The following SEMA3D variants were observed in gnomAD, a reference collection of about 807,000 sequenced individuals.
SEMA3D encodes semaphorin-3D.
A neutral mutation model predicts 100.1 loss-of-function variants in SEMA3D; 84 were observed. The observed-to-expected ratio is 0.84, with a 90% CI of 0.70 to 1.01. The LOEUF (loss-of-function observed/expected upper bound fraction) is 1.01. Ranked by LOEUF, SEMA3D falls within the 50% of genes least tolerant of loss-of-function variation. SEMA3D has a pLI of 0.00. For synonymous variants in SEMA3D, 312 were observed against 320.7 expected (o/e 0.97, Z 0.29); for missense variants, 875 against 934.1 (o/e 0.94, Z 0.82).
chr7:85,040,772 C>A, intron 10 of SEMA3D, 30 bp from the exon 11 acceptor site: 1 of 1,031,578 alleles, frequency 9.7e-7, no homozygotes, highest in South Asian at 1.3e-5. Flanking sequence ...AATATTTACT[C>A]TTATTTTTCA....
intron 17 of SEMA3D, among the ~76,000 whole-genome samples, chr7:85,010,626 G>A (rs986026155): frequency 6.6e-6 from 1 of 151,822 alleles, no homozygotes; most frequent in African/African-American, 2.4e-5. Context: ...GCTGCTTTTT[G>A]ACATAAGTAG....
At chr7:85,183,949 C>T (rs760716471) in intron 1 of SEMA3D, among the ~76,000 whole-genome samples, 1 of 152,010 alleles carries the variant, frequency 6.6e-6, no homozygotes, top group Non-Finnish European at 1.5e-5. Flanking sequence ...GTTCTTAATA[C>T]AACCATGGGA....
upstream of SEMA3D, among the ~76,000 whole-genome samples, chr7:85,189,974 C>T (rs757398111): frequency 5.3e-5 from 8 of 152,086 alleles, no homozygotes; most frequent in African/African-American, 1.9e-4. Flanking sequence ...GAGAAGGCAG[C>T]AGGGATGGGT....
Position 85,066,560 on chromosome 7 carries a change from T to C in SEMA3D, c.590-1008A>G, listed in dbSNP as rs528450453. Reference sequence around the variant, plus strand: ...AAGGCTGTTCCTGCAGGAGAATATGTTGTCTCTTTGAGAGCTAAACCTCTA... The same window carrying C: ...AAGGCTGTTCCTGCAGGAGAATATGCTGTCTCTTTGAGAGCTAAACCTCTA... On this transcript the variant is annotated intron_variant, in intron 7 of 18. Coordinates refer to ENST00000284136, the MANE Select transcript of SEMA3D (RefSeq NM_001384900.1). Among the ~76,000 whole-genome samples the C allele has an allele frequency of 2.5e-4, 38 of 152,128 alleles. No homozygotes were observed. The East Asian group carries it at 7.2e-3, about 29-fold the overall frequency.
intron 11 of SEMA3D, among the ~76,000 whole-genome samples, chr7:85,037,668 TTATG>T: frequency 6.6e-6 from 1 of 152,148 alleles, no homozygotes; most frequent in Non-Finnish European, 1.5e-5. Flanking sequence ...ATTTATGAGT[TTATG>T]TATTACAGTA....
At chr7:85,125,496 C>G (rs1052177680) in intron 2 of SEMA3D, among the ~76,000 whole-genome samples, 3 of 152,048 alleles carry the variant, frequency 2.0e-5, no homozygotes, top group Non-Finnish European at 4.4e-5. Context: ...AAAATCAAAG[C>G]CCTGCTTTCC....
At chr7:85,074,402 G>C (rs955483828) in intron 5 of SEMA3D, among the ~76,000 whole-genome samples, 3 of 152,122 alleles carry the variant, frequency 2.0e-5, no homozygotes, top group Non-Finnish European at 4.4e-5. Flanking sequence ...GTGGTTCTTA[G>C]AATGAAATAA....
chr7:85,173,348 A>T (rs928979173), intron 1 of SEMA3D, among the ~76,000 whole-genome samples: 2 of 151,852 alleles, frequency 1.3e-5, no homozygotes, highest in Non-Finnish European at 2.9e-5. Flanking sequence ...TAACTGGCTG[A>T]CTCTTCTGTG....
At chr7:85,004,727 T>C (rs1360513289) in intron 18 of SEMA3D, among the ~76,000 whole-genome samples, 1 of 152,074 alleles carries the variant, frequency 6.6e-6, no homozygotes, top group East Asian at 1.9e-4. Flanking sequence ...GGCATCCTGC[T>C]GGGAAAAATG....
intron 18 of SEMA3D, among the ~76,000 whole-genome samples, chr7:85,003,808 AT>A (rs1164481377): frequency 6.6e-6 from 1 of 152,090 alleles, no homozygotes; most frequent in African/African-American, 2.4e-5. Flanking sequence ...AATGCAATAC[AT>A]TTTTTCATAT....
At chr7:85,060,738 T>C (rs1258812777) in intron 8 of SEMA3D, among the ~76,000 whole-genome samples, 1 of 152,202 alleles carries the variant, frequency 6.6e-6, no homozygotes, top group Non-Finnish European at 1.5e-5. Context: ...CCTAACTTCC[T>C]TTTATTACTT....
intron 3 of SEMA3D, among the ~76,000 whole-genome samples, chr7:85,116,328 A>G (rs1310945666): frequency 6.8e-6 from 1 of 146,426 alleles, no homozygotes; most frequent in African/African-American, 2.5e-5. Context: ...ATTTATATAA[A>G]TGTATATATT....
intron 3 of SEMA3D, among the ~76,000 whole-genome samples, chr7:85,105,598 A>T (rs1303300070): frequency 6.6e-6 from 1 of 152,102 alleles, no homozygotes; most frequent in Non-Finnish European, 1.5e-5. Context: ...TCAAAATTGC[A>T]GGTGAATATT....
intron 6 of SEMA3D, among the ~76,000 whole-genome samples, chr7:85,069,016 G>A (rs1428518316): frequency 2.0e-5 from 3 of 152,060 alleles, no homozygotes; most frequent in Non-Finnish European, 4.4e-5. Flanking sequence ...AAATATGAAT[G>A]TATAATGAAT....
chr7:85,236,281 T>TTTTATTTATTTATTTA, the SEMA3D span, among the ~76,000 whole-genome samples: 9 of 131,976 alleles, frequency 6.8e-5, no homozygotes, highest in South Asian at 6.7e-4. Flanking sequence ...TTTTATTTTA[T>TTTTATTTATTTATTTA]TTTATTTATT....
At chr7:85,147,092 C>CTTTTCTTTTTTTTTTTTTT (rs1165953881) in intron 2 of SEMA3D, among the ~76,000 whole-genome samples, 2 of 48,154 alleles carry the variant, frequency 4.2e-5, no homozygotes, top group African/African-American at 9.7e-5. Context: ...TTTTTCTTTT[C>CTTTTCTTTTTTTTTTTTTT]TTTTTTTTTT....
chr7:85,106,123 G>A lies in SEMA3D; in HGVS notation c.152-8158C>T, dbSNP rs1228993857. On this transcript the variant is annotated intron_variant, in intron 3 of 18. Transcript: ENST00000284136. ...AAAAAGTTAGTATTATAAATATCTA[G>A]TACATTTCCAGAAAAGCAATGTCAC... Among the ~76,000 whole-genome samples, 7 of 152,040 alleles carry A rather than the reference G, an allele frequency of 4.6e-5. No homozygotes were observed. The East Asian group carries it at 9.7e-4, about 21-fold the overall frequency.
At chr7:85,172,474 T>C (rs1168081665) in intron 1 of SEMA3D, among the ~76,000 whole-genome samples, 2 of 151,990 alleles carry the variant, frequency 1.3e-5, no homozygotes, top group African/African-American at 4.8e-5. Flanking sequence ...ATTAACATAC[T>C]TTGCTGTTTC....
intron 2 of SEMA3D, among the ~76,000 whole-genome samples, chr7:85,134,350 A>T (rs995683081): frequency 6.6e-6 from 1 of 152,026 alleles, no homozygotes; most frequent in Non-Finnish European, 1.5e-5. Flanking sequence ...AAGCCAACCT[A>T]AAGTTATTTT....
Sources: allele counts gnomAD v4.1 joint callset (sites outside exome capture counted in the v4.1 genomes callset), GRCh38; gene constraint gnomAD v4.1.1; transcripts MANE v1.5; gene names NCBI Gene and HGNC (gene_info 2026-07-23, HGNC 2026-07-21).